The following ERBB4 variants were observed in gnomAD, a reference collection of about 807,000 sequenced individuals.
The protein encoded by ERBB4 is erb-b2 receptor tyrosine kinase 4.
Under a neutral mutation model 158.0 loss-of-function variants are expected in ERBB4, and 42 were observed. That is an observed-to-expected ratio of 0.27 (90% CI 0.21 to 0.34). The LOEUF is 0.34. Among genes scored for constraint, ERBB4 ranks in the 10% least tolerant of loss-of-function variants. The pLI is 1.00. For synonymous variants in ERBB4, 583 were observed against 558.7 expected (o/e 1.04, Z -0.61); for missense variants, 1,333 against 1,624.1 (o/e 0.82, Z 3.08).
At chr2:211,821,501 A>G (rs2076993870) in intron 3 of ERBB4, among the ~76,000 whole-genome samples, 1 of 151,952 alleles carries the variant, frequency 6.6e-6, no homozygotes, top group Non-Finnish European at 1.5e-5. Context: ...GATGTTTTTC[A>G]CAGAAATACA....
intron 20 of ERBB4, among the ~76,000 whole-genome samples, chr2:211,524,332 G>T (rs1007403586): frequency 6.6e-6 from 1 of 152,072 alleles, no homozygotes; most frequent in African/African-American, 2.4e-5. Flanking sequence ...GATCCCTCAC[G>T]GGGGCTGCAG....
chr2:212,416,279 G>C (rs1300426774), intron 1 of ERBB4, among the ~76,000 whole-genome samples: 1 of 152,096 alleles, frequency 6.6e-6, no homozygotes, highest in Non-Finnish European at 1.5e-5. Flanking sequence ...GCAAAAAGTA[G>C]AGGAATTAAG....
chr2:212,434,316 C>T (rs1367046966), intron 1 of ERBB4, among the ~76,000 whole-genome samples: 3 of 151,772 alleles, frequency 2.0e-5, no homozygotes, highest in African/African-American at 7.2e-5. Context: ...GCTAGAAAGC[C>T]AGAGATACAG....
intron 1 of ERBB4, among the ~76,000 whole-genome samples, chr2:212,442,278 G>A (rs1424018024): frequency 6.6e-6 from 1 of 150,450 alleles, no homozygotes; most frequent in African/African-American, 2.4e-5. Flanking sequence ...AGGGAATCAT[G>A]GCCCCTCAAC....
chr2:212,174,296 G>T (rs978457728), intron 1 of ERBB4, among the ~76,000 whole-genome samples: 2 of 152,056 alleles, frequency 1.3e-5, no homozygotes, highest in African/African-American at 4.8e-5. Context: ...TATTAAATAT[G>T]TGCAGTCATC....
intron 1 of ERBB4, among the ~76,000 whole-genome samples, chr2:212,177,948 T>TTGTGAG (rs1307336587): frequency 1.7e-5 from 2 of 117,252 alleles, no homozygotes; most frequent in Non-Finnish European, 3.7e-5. Context: ...TTGTGAGTGT[T>TTGTGAG]TGTGAGTGTG....
chr2:211,865,935 T>C (rs2078194584), intron 3 of ERBB4, among the ~76,000 whole-genome samples: 1 of 152,204 alleles, frequency 6.6e-6, no homozygotes, highest in Admixed American at 6.5e-5. Flanking sequence ...TTTGAAGCCC[T>C]AAAATTATAT....
At chr2:212,496,304 GACATACATC>G (rs927784497) in intron 1 of ERBB4, among the ~76,000 whole-genome samples, 21 of 150,010 alleles carry the variant, frequency 1.4e-4, no homozygotes, top group Non-Finnish European at 7.4e-5. Flanking sequence ...CAAAAAAACA[GACATACATC>G]ATGTAGATTA....
chr2:212,118,330 T>C (rs2079634074), intron 2 of ERBB4, among the ~76,000 whole-genome samples: 1 of 152,176 alleles, frequency 6.6e-6, no homozygotes, highest in Non-Finnish European at 1.5e-5. Context: ...CCTGACTTTA[T>C]TGTAACAAAA....
At chr2:212,527,691 T>TTTA (rs1473377318) in intron 1 of ERBB4, among the ~76,000 whole-genome samples, 1 of 58,272 alleles carries the variant, frequency 1.7e-5, no homozygotes, top group African/African-American at 9.9e-5. Context: ...CCCCAAATCT[T>TTTA]TTATTTATTT....
rs189379804 is a variant in ERBB4, at chr2:211,580,736, C to T, written c.2302-18648G>A. Among the ~76,000 whole-genome samples, 870 of 141,100 alleles carry T rather than the reference C, an allele frequency of 6.2e-3. 19 individuals carry two copies. Among genetic ancestry groups the T allele is most frequent in the African/African-American group, 0.022 (822 of 38,190 alleles). 92.6% of individuals were successfully genotyped at this position (141,100 alleles called of 152,430 possible). On this transcript the variant is annotated intron_variant, in intron 19 of 27. Coordinates refer to ENST00000342788, the MANE Select transcript of ERBB4 (RefSeq NM_005235.3). ...GCAGCACAATTTGCAATTGCAAAAA[C>T]GTGGAACCAACCCAAATCCCCATCA...
chr2:211,441,444 A>G (rs1029021658), intron 20 of ERBB4, among the ~76,000 whole-genome samples: 1 of 152,088 alleles, frequency 6.6e-6, no homozygotes, highest in African/African-American at 2.4e-5. Flanking sequence ...TCTTGGCCCA[A>G]CCTGCTTGGA....
At chr2:211,573,312 G>A (rs2067789040) in intron 19 of ERBB4, among the ~76,000 whole-genome samples, 1 of 152,142 alleles carries the variant, frequency 6.6e-6, no homozygotes, top group Admixed American at 6.5e-5. Context: ...GATTTCAAAT[G>A]TCTAGCCCCC....
At chr2:212,049,603 T>C (rs1360459477) in intron 2 of ERBB4, among the ~76,000 whole-genome samples, 1 of 152,142 alleles carries the variant, frequency 6.6e-6, no homozygotes, top group African/African-American at 2.4e-5. Flanking sequence ...GTATTTAAAG[T>C]CATCAGAAAA....
chr2:211,671,818 T>C (rs963778215), intron 14 of ERBB4, among the ~76,000 whole-genome samples: 1 of 152,202 alleles, frequency 6.6e-6, no homozygotes, highest in Non-Finnish European at 1.5e-5. Context: ...AGAAATGCAC[T>C]TCCCTGTGTT....
In ERBB4 at chr2:211,665,340, A is replaced by G; in HGVS notation, c.1854T>C (p.His618=). 2 of 1,614,136 alleles carry G rather than the reference A, an allele frequency of 1.2e-6. No individual in the cohort carries two copies. Among genetic ancestry groups the G allele is most frequent in the Non-Finnish European group, 1.7e-6 (2 of 1,180,008 alleles). ...ATGCTTACCCTTGGGTGCAGTTTGGATGGCATGGGTGGCACTCCCGATCTG... is the reference window on the plus strand; with the variant it reads ...ATGCTTACCCTTGGGTGCAGTTTGGGTGGCATGGGTGGCACTCCCGATCTG... ...ADPDRECHPC[H]PNCTQGCNGP... Residue 618 remains histidine, a synonymous_variant, in exon 15 of 28, where the codon CAT becomes CAC. Transcript: ENST00000342788.
chr2:211,950,866 C>T (rs1201712757), intron 2 of ERBB4, among the ~76,000 whole-genome samples: 1 of 152,148 alleles, frequency 6.6e-6, no homozygotes, highest in Non-Finnish European at 1.5e-5. Context: ...AGCTCTAGGG[C>T]TCTGTAATTC....
intron 3 of ERBB4, among the ~76,000 whole-genome samples, chr2:211,799,610 T>G (rs778464951): frequency 1.2e-4 from 18 of 152,292 alleles, no homozygotes; most frequent in Non-Finnish European, 1.5e-4. Context: ...TCAAAAAGTA[T>G]GAGATAATTT....
intron 20 of ERBB4, among the ~76,000 whole-genome samples, chr2:211,446,553 G>T (rs2125465612): frequency 6.6e-6 from 1 of 152,280 alleles, no homozygotes; most frequent in Admixed American, 6.5e-5. Flanking sequence ...TATGAAGTTT[G>T]AAGTTAGTTT....
Sources: gnomAD v4.1 joint callset for allele counts (sites outside exome capture counted in the v4.1 genomes callset) on GRCh38, gnomAD v4.1.1 for gene constraint, MANE v1.5 for transcripts, NCBI Gene and HGNC (gene_info 2026-07-23, HGNC 2026-07-21) for gene names.